The following AKAP3 variants were observed in gnomAD, a reference collection of about 807,000 sequenced individuals.
The protein encoded by AKAP3 is A-kinase anchor protein 3.
A neutral mutation model predicts 57.2 loss-of-function variants in AKAP3; 27 were observed. That is an observed-to-expected ratio of 0.47 (90% CI 0.35 to 0.65). AKAP3 has a LOEUF of 0.65. Among genes scored for constraint, AKAP3 ranks in the 30% least tolerant of loss-of-function variants. The pLI is 0.01. For synonymous variants in AKAP3, 334 were observed against 392.3 expected (o/e 0.85, Z 1.76); for missense variants, 959 against 1,040.0 (o/e 0.92, Z 1.07).
intron 4 of AKAP3, among the ~76,000 whole-genome samples, chr12:4,637,025 T>C (rs1297224681): frequency 6.6e-6 from 1 of 152,134 alleles, no homozygotes; most frequent in African/African-American, 2.4e-5. Flanking sequence ...GGATTACAGG[T>C]GTGAGCCACT....
At position 4,615,696 on chromosome 12, in the gene AKAP3, C is replaced by T; in HGVS notation, c.*43G>A. 6.3e-7 allele frequency: 1 copy of T among 1,595,978 alleles called. No homozygotes were observed. Among genetic ancestry groups the T allele is most frequent in the African/African-American group, 1.3e-5 (1 of 74,812 alleles). On this transcript the variant is annotated 3_prime_UTR_variant, in exon 6 of 6. Coordinates refer to ENST00000228850, the MANE Select transcript of AKAP3 (RefSeq NM_001278309.2). ...TGAGAAAGAAGGGCGGGGATAAGGGCCGGCCCCACTGCCAGAAGAGGGGAA... is the reference window on the plus strand; with the variant it reads ...TGAGAAAGAAGGGCGGGGATAAGGGTCGGCCCCACTGCCAGAAGAGGGGAA...
chr12:4,644,002 T>A (rs931529982), intron 2 of AKAP3, among the ~76,000 whole-genome samples: 1 of 152,226 alleles, frequency 6.6e-6, no homozygotes, highest in Non-Finnish European at 1.5e-5. Context: ...GTTTCTCATA[T>A]CCGTTTTCTT....
At chr12:4,629,284 TC>T (rs1945468134) in intron 4 of AKAP3, among the ~76,000 whole-genome samples, 2 of 152,248 alleles carry the variant, frequency 1.3e-5, no homozygotes, top group South Asian at 4.1e-4. Context: ...GTGATATCAT[TC>T]TTTTTTTATG....
At chr12:4,617,775 T>C (rs1945303926) in intron 5 of AKAP3, among the ~76,000 whole-genome samples, 1 of 151,502 alleles carries the variant, frequency 6.6e-6, no homozygotes, top group Non-Finnish European at 1.5e-5. Flanking sequence ...AAAAGTGTTT[T>C]AAGGTTGAAA....
intron 4 of AKAP3, among the ~76,000 whole-genome samples, chr12:4,631,905 T>C (rs1288241931): frequency 6.6e-6 from 1 of 152,260 alleles, no homozygotes; most frequent in African/African-American, 2.4e-5. Context: ...CATAAACTCA[T>C]ACAGGTTTAC....
rs1308986706 is a variant in AKAP3 at position 4,628,450 on chromosome 12, T to G, written c.452A>C (p.Glu151Ala). 2 of 1,614,194 alleles carry G rather than the reference T, an allele frequency of 1.2e-6. No homozygotes were observed. The highest frequency in any genetic ancestry group is 1.7e-6 in the Non-Finnish European group (2 of 1,180,026). The change falls in exon 5 of 6, where the codon GAA (glutamate) becomes GCA (alanine). Residue 151 changes from glutamate to alanine, a missense_variant. By Grantham distance (107) the Glu-to-Ala change is moderately radical (BLOSUM62 -1). Transcript: ENST00000228850. ...KEINEKIDGS[E>A]NKCVYQSLYM... is the part of the protein sequence containing the mutation. ...CAATGACTGATAGACACATTTGTTT[T>G]CAGAGCCATCGATCTTCTCATTGAT...
intron 5 of AKAP3, among the ~76,000 whole-genome samples, chr12:4,624,198 A>G (rs187405781): frequency 1.1e-3 from 162 of 152,280 alleles, no homozygotes; most frequent in African/African-American, 3.6e-3. Flanking sequence ...TAAAACATAT[A>G]TGATATATGA....
At chr12:4,644,786 T>A (rs575843055) in intron 2 of AKAP3, among the ~76,000 whole-genome samples, 3 of 152,134 alleles carry the variant, frequency 2.0e-5, no homozygotes, top group African/African-American at 7.2e-5. Flanking sequence ...AGATGGTGGA[T>A]GCCTGTAATC....
chr12:4,640,319 A>G (rs923927519), intron 3 of AKAP3, among the ~76,000 whole-genome samples: 1 of 152,238 alleles, frequency 6.6e-6, no homozygotes, highest in African/African-American at 2.4e-5. Context: ...ATTCCAACAA[A>G]ATACTTGTTT....
intron 2 of AKAP3, among the ~76,000 whole-genome samples, chr12:4,642,997 A>C (rs1443362361): frequency 6.6e-6 from 1 of 151,872 alleles, no homozygotes; most frequent in East Asian, 1.9e-4. Context: ...TTGAAGCTTG[A>C]CTCCTTTGGG....
rs139674556 is a variant in AKAP3, at chr12:4,626,660, G to A, written c.2242C>T (p.Pro748Ser). 9 of 1,614,226 alleles carry A rather than the reference G, an allele frequency of 5.6e-6. No homozygotes were observed. The highest frequency in any genetic ancestry group is 1.3e-5 in the African/African-American group (1 of 75,064). The change falls in exon 5 of 6, where the codon CCC (proline) becomes TCC (serine). Residue 748 changes from proline (P) to serine (S), a missense_variant. Physicochemically the swap from Pro to Ser is moderately conservative, Grantham distance 74. Transcript: ENST00000228850. ...HNEMRGTSGQPPEGCAAPTVI... is the reference protein window; with the variant it reads ...HNEMRGTSGQSPEGCAAPTVI... ...GTGGGTGCTGCACACCCTTCAGGGG[G>A]CTGTCCTGATGTGCCTCTCATTTCA...
intron 4 of AKAP3, chr12:4,635,866 T>A: frequency 1.5e-6 from 1 of 666,770 alleles, no homozygotes; most frequent in Non-Finnish European, 2.7e-6. Flanking sequence ...AAAACGTCTA[T>A]TTTCTGGCTA....
At position 4,627,683 on chromosome 12, in the gene AKAP3, TGAG is replaced by T; in HGVS notation, c.1216_1218del (p.Leu406del). On this transcript the variant is annotated inframe_deletion, in exon 5 of 6. Transcript: ENST00000228850. Reference sequence around the variant, plus strand: ...GGATCACCCATTCCTTTCATGGAGATGAGGGAATAACTCTCAGCCTTGTCTTGG... The same window carrying T: ...GGATCACCCATTCCTTTCATGGAGATGGAATAACTCTCAGCCTTGTCTTGG... 6.2e-7 allele frequency: 1 copy of T among 1,614,124 alleles called. No homozygotes were observed. Among genetic ancestry groups the T allele is most frequent in the South Asian group, 1.1e-5 (1 of 91,078 alleles).
At chr12:4,626,412 C>A (rs1398173600) in intron 5 of AKAP3, 84 bp downstream of exon 5, 2 of 1,463,470 alleles carry the variant, frequency 1.4e-6, no homozygotes, top group Non-Finnish European at 1.8e-6. Context: ...CTGTGGCTAT[C>A]TTCCCATTCA....
Position 4,624,315 on chromosome 12 carries a change from ACGTGTGTGTGTGTGTGTGTGTGTG to A in AKAP3, c.2406+2157_2406+2180del, listed in dbSNP as rs1421768814. 8.9e-5 allele frequency among the ~76,000 whole-genome samples: 13 copies of A among 146,324 alleles called. No homozygotes were observed. The Admixed American group carries it at 8.9e-4, about 10-fold the overall frequency. ...ATAAAAAATAATAATTTGTGACTTT[ACGTGTGTGTGTGTGTGTGTGTGTG>A]TGTGTGTGTGTGTGTGTGTGTGTGT... On this transcript the variant is annotated intron_variant, in intron 5 of 5. Coordinates refer to ENST00000228850, the MANE Select transcript of AKAP3 (RefSeq NM_001278309.2).
At position 4,630,988 on chromosome 12, in the gene AKAP3, T is replaced by C. The variant is rs893978630; in HGVS notation, c.97-2183A>G. ...TATCTTTTAATGGTTTTGGAAGTCT[T>C]CCACCAAGATGCCCAATAGATCCAT... On this transcript the variant is annotated intron_variant, in intron 4 of 5. Coordinates refer to ENST00000228850, the MANE Select transcript of AKAP3 (RefSeq NM_001278309.2). Among the ~76,000 whole-genome samples the C allele has an allele frequency of 4.6e-5, 7 of 152,318 alleles. No homozygotes were observed. In the South Asian group the frequency reaches 1.5e-3, roughly 32 times the overall value.
At chr12:4,638,413 G>C (rs1357508338) in intron 3 of AKAP3, among the ~76,000 whole-genome samples, 1 of 152,128 alleles carries the variant, frequency 6.6e-6, no homozygotes, top group Middle Eastern at 3.2e-3. Context: ...GTAACTCTAA[G>C]GAAGAAGCTG....
rs556903629 is a variant in AKAP3, at chr12:4,625,166, C to T, written c.2406+1330G>A. On this transcript the variant is annotated intron_variant, in intron 5 of 5. Coordinates refer to ENST00000228850, the MANE Select transcript of AKAP3 (RefSeq NM_001278309.2). The surrounding 1 kb of genome is among the most constrained non-coding windows in gnomAD (Gnocchi z 5.4). ...CGTGGAGACAGAGCTTGCCAACGAC[C>T]CTTAGGAATAGATCTAATATTGGAA... 1.3e-5 allele frequency among the ~76,000 whole-genome samples: 2 copies of T among 152,210 alleles called. No homozygotes were observed. Among genetic ancestry groups the T allele is most frequent in the South Asian group, 4.1e-4 (2 of 4,822 alleles).
intron 5 of AKAP3, among the ~76,000 whole-genome samples, chr12:4,624,315 ACGTGTGTGTG>A (rs1431045199): frequency 0.019 from 2,795 of 146,256 alleles, 79 homozygotes; most frequent in African/African-American, 0.044. Flanking sequence ...TTGTGACTTT[ACGTGTGTGTG>A]TGTGTGTGTG....
Sources: gnomAD v4.1 joint callset for allele counts (sites outside exome capture counted in the v4.1 genomes callset) on GRCh38, gnomAD v4.1.1 for gene constraint, Gnocchi (gnomAD v3.1) non-coding constraint, MANE v1.5 for transcripts, NCBI Gene and HGNC (gene_info 2026-07-23, HGNC 2026-07-21) for gene names.